Variants in FSTL5 observed in about 807,000 individuals in gnomAD.
FSTL5 encodes follistatin like 5, also known as follistatin-related protein 5.
A neutral mutation model predicts 89.1 loss-of-function variants in FSTL5; 62 were observed. That is an observed-to-expected ratio of 0.70 (90% confidence interval 0.57 to 0.86). The LOEUF (loss-of-function observed/expected upper bound fraction) is 0.86, where lower values mean the gene tolerates loss of function less well. FSTL5 is among the 40% of genes least tolerant of loss of function. FSTL5 has a pLI of 0.00. For synonymous variants in FSTL5, 383 were observed against 346.2 expected, an observed-to-expected ratio of 1.11 and a Z score of -1.18; for missense variants, 1,057 against 1,001.6, an observed-to-expected ratio of 1.06 and a Z score of -0.75.
intron 15 of FSTL5, among the ~76,000 whole-genome samples, chr4:161,425,330 T>C (rs1224054148): frequency 6.6e-6 from 1 of 152,160 alleles, no homozygotes; most frequent in Non-Finnish European, 1.5e-5. Flanking sequence ...AAGTTTTCCA[T>C]ATTTAGATAT....
intron 6 of FSTL5, among the ~76,000 whole-genome samples, chr4:161,717,097 T>G (rs1739014546): frequency 6.6e-6 from 1 of 152,174 alleles, no homozygotes; most frequent in Admixed American, 6.5e-5. Flanking sequence ...ATAATTGTTT[T>G]TGGTAGGTGG....
chr4:161,982,456 G>A (rs1735850635), intron 3 of FSTL5, among the ~76,000 whole-genome samples: 1 of 152,154 alleles, frequency 6.6e-6, no homozygotes, highest in Admixed American at 6.5e-5. Flanking sequence ...TATAGTTACA[G>A]GTAAGGGAAA....
At chr4:161,997,793 AC>A (rs1472661923) in intron 3 of FSTL5, among the ~76,000 whole-genome samples, 2 of 121,186 alleles carry the variant, frequency 1.7e-5, no homozygotes, top group Non-Finnish European at 3.7e-5. Context: ...TTTAGTAGAG[AC>A]GGGGCTTCAC....
intron 15 of FSTL5, among the ~76,000 whole-genome samples, chr4:161,401,370 C>G (rs186886845): frequency 8.6e-4 from 131 of 152,266 alleles, no homozygotes; most frequent in Non-Finnish European, 1.5e-3. Context: ...TATTGTAAGT[C>G]TACCTCAATA....
chr4:162,001,612 G>GTGTGTGTA (rs1208839216), intron 3 of FSTL5, among the ~76,000 whole-genome samples: 2 of 151,884 alleles, frequency 1.3e-5, no homozygotes, highest in Non-Finnish European at 2.9e-5. Flanking sequence ...GTGTGTGTGT[G>GTGTGTGTA]TGTGTGTGTG....
At chr4:161,570,302 T>C (rs574915322) in intron 8 of FSTL5, among the ~76,000 whole-genome samples, 73 of 152,258 alleles carry the variant, frequency 4.8e-4, no homozygotes, top group African/African-American at 1.7e-3. Flanking sequence ...TGAAAGAGTT[T>C]GAAACTGAGA....
At chr4:162,078,368 G>A (rs527718525) in intron 2 of FSTL5, among the ~76,000 whole-genome samples, 16 of 151,856 alleles carry the variant, frequency 1.1e-4, no homozygotes, top group African/African-American at 2.7e-4. Flanking sequence ...ACCTAGAAGC[G>A]GCTGACTTTA....
intron 7 of FSTL5, among the ~76,000 whole-genome samples, chr4:161,621,931 A>T (rs1224884889): frequency 6.6e-6 from 1 of 151,708 alleles, no homozygotes. Flanking sequence ...CAGGAGGTGG[A>T]GGTTTCAGTG....
At chr4:161,564,710 A>C (rs932024024) in intron 8 of FSTL5, among the ~76,000 whole-genome samples, 28 of 151,644 alleles carry the variant, frequency 1.8e-4, no homozygotes, top group African/African-American at 5.8e-4. Flanking sequence ...ATACTTCCAA[A>C]GACATAATTA....
intron 8 of FSTL5, among the ~76,000 whole-genome samples, chr4:161,563,695 T>A (rs1168548660): frequency 6.6e-6 from 1 of 152,054 alleles, no homozygotes; most frequent in Non-Finnish European, 1.5e-5. Context: ...TCTCTACTGC[T>A]ATCTTTTCTG....
At chr4:162,062,765 T>C (rs1738764147) in intron 2 of FSTL5, among the ~76,000 whole-genome samples, 1 of 151,432 alleles carries the variant, frequency 6.6e-6, no homozygotes, top group Non-Finnish European at 1.5e-5. Context: ...TTTTGCTCAC[T>C]GTAAGCAATA....
intron 2 of FSTL5, among the ~76,000 whole-genome samples, chr4:162,100,636 A>G (rs1190781870): frequency 6.6e-6 from 1 of 152,182 alleles, no homozygotes; most frequent in Non-Finnish European, 1.5e-5. Context: ...TACAACACAA[A>G]GAGTGAACCT....
chr4:161,403,311 G>T (rs567416733), intron 15 of FSTL5, among the ~76,000 whole-genome samples: 1 of 152,074 alleles, frequency 6.6e-6, no homozygotes, highest in South Asian at 2.1e-4. Flanking sequence ...TTTTGTGTGT[G>T]TGTGTGTTTG....
chr4:161,671,418 T>C (rs75723277), intron 6 of FSTL5, among the ~76,000 whole-genome samples: 42 of 152,304 alleles, frequency 2.8e-4, no homozygotes, highest in African/African-American at 9.9e-4. Flanking sequence ...TTCAGCTCTA[T>C]ATATGCGGAG....
At chr4:161,510,904 A>T (rs935823107) in intron 10 of FSTL5, among the ~76,000 whole-genome samples, 31 of 152,018 alleles carry the variant, frequency 2.0e-4, no homozygotes, top group Non-Finnish European at 4.6e-4. Context: ...GATCTTGAAC[A>T]ACAAATTGGC....
chr4:161,409,851 C>T (rs1245676856), intron 15 of FSTL5, among the ~76,000 whole-genome samples: 1 of 152,136 alleles, frequency 6.6e-6, no homozygotes, highest in East Asian at 1.9e-4. Flanking sequence ...CAGCTAACAA[C>T]ACCATGACAG....
chr4:161,796,718 G>A (rs1729642509), intron 4 of FSTL5, among the ~76,000 whole-genome samples: 1 of 150,992 alleles, frequency 6.6e-6, no homozygotes. Context: ...TTACTTTAAT[G>A]CATACCTTGA....
intron 2 of FSTL5, among the ~76,000 whole-genome samples, chr4:162,054,705 T>C (rs375290220): frequency 1.3e-5 from 2 of 151,968 alleles, no homozygotes; most frequent in African/African-American, 4.8e-5. Context: ...TTGAAGTGTG[T>C]ACAACTCTTT....
At chr4:161,741,156 AC>A (rs1379623038) in intron 6 of FSTL5, among the ~76,000 whole-genome samples, 1 of 152,082 alleles carries the variant, frequency 6.6e-6, no homozygotes, top group African/African-American at 2.4e-5. Context: ...AAGAATAATG[AC>A]CCCCACCAAA....
Sources: gnomAD v4.1 joint callset for allele counts (sites outside exome capture counted in the v4.1 genomes callset) on GRCh38, gnomAD v4.1.1 for gene constraint, MANE v1.5 for transcripts, NCBI Gene and HGNC (gene_info 2026-07-23, HGNC 2026-07-21) for gene names.